COL12A1: variants seen among roughly 807,000 people sequenced by gnomAD.
The protein encoded by COL12A1 is collagen type XII alpha 1 chain, also known as collagen alpha-1(XII) chain.
Under a neutral mutation model 349.7 loss-of-function variants are expected in COL12A1, and 114 were observed. The observed-to-expected ratio is 0.33, with a 90% confidence interval of 0.28 to 0.38. COL12A1 has a LOEUF of 0.38. Among genes scored for constraint, COL12A1 ranks in the 10% least tolerant of loss-of-function variants. The probability of loss-of-function intolerance (pLI) is 1.00; values close to 1 mark genes in which losing one functional copy is unlikely to be tolerated. For synonymous variants in COL12A1, 1,369 were observed against 1,329.0 expected, an observed-to-expected ratio of 1.03 and a Z score of -0.66; for missense variants, 3,284 against 3,756.9, an observed-to-expected ratio of 0.87 and a Z score of 3.29.
At chr6:75,113,100 G>T in intron 51 of COL12A1, 104 bp downstream of exon 51, 1 of 542,410 alleles carries the variant, frequency 1.8e-6, no homozygotes, top group South Asian at 3.6e-5. Flanking sequence ...ATTTTTAAAA[G>T]ACATAGTTAT....
intron 30 of COL12A1, among the ~76,000 whole-genome samples, chr6:75,137,886 A>C (rs1766701961): frequency 2.0e-5 from 3 of 151,960 alleles, no homozygotes; most frequent in South Asian, 2.1e-4. Context: ...TAATGGGATT[A>C]GTCTTTGTAA....
At chr6:75,108,578 T>A (rs1036387254) in intron 52 of COL12A1, among the ~76,000 whole-genome samples, 8 of 152,228 alleles carry the variant, frequency 5.3e-5, no homozygotes, top group Admixed American at 5.2e-4. Context: ...GGCAGCCGAA[T>A]GGCTCCTCTG....
rs1470249632 is a variant in COL12A1 at position 75,133,880 on chromosome 6, G to A, written c.5642C>T (p.Ala1881Val). 1 of 1,614,084 alleles carries A rather than the reference G, an allele frequency of 6.2e-7. No individual in the cohort carries two copies. The highest frequency in any genetic ancestry group is 1.7e-5 in the Admixed American group (1 of 60,022). Residue 1881 changes from alanine to valine, a missense_variant, in exon 33 of 66, where the codon GCA (alanine) becomes GTA (valine). By Grantham distance (64) the Ala-to-Val change is moderately conservative. Transcript: ENST00000322507. The stretch of plus-strand genomic sequence containing the variant: ...TACCAGTTCCTCTGGACCACCTGCT[G>A]CTGGTGCATAGAAGAGCTTGTACTG... ...PRQYKLFYAPAAGGPEELVPI... is the reference protein window; with the variant it reads ...PRQYKLFYAPVAGGPEELVPI...
In COL12A1 at chr6:75,142,066, C is replaced by T; in HGVS notation, c.4923G>A (p.Gly1641=). The T allele has an allele frequency of 6.2e-7, 1 of 1,614,030 alleles. No individual in the cohort carries two copies. The highest frequency in any genetic ancestry group is 8.5e-7 in the Non-Finnish European group (1 of 1,179,976). ...CTTGAGCAGTCACTGGAGGAGACTC[C>T]CCCTCGTCATGTACTGCAGAAACGC... ...TVSVSAVHDE[G]ESPPVTAQET... is the part of the protein sequence containing the mutation. The change falls in exon 27 of 66, where the codon GGG becomes GGA. Residue 1641 remains glycine, a synonymous_variant. Coordinates refer to ENST00000322507, the MANE Select transcript of COL12A1 (RefSeq NM_004370.6).
intron 43 of COL12A1, among the ~76,000 whole-genome samples, chr6:75,121,858 CTTTT>C (rs60234784): frequency 2.2e-5 from 3 of 134,442 alleles, no homozygotes; most frequent in African/African-American, 2.7e-5. Flanking sequence ...CAAATAAGTC[CTTTT>C]TTTTTTTTTT....
At position 75,085,098 on chromosome 6, in the gene COL12A1, CCT is replaced by C. The variant is rs1352923963; in HGVS notation, c.*1447_*1448del. 4 of 366,136 alleles carry C rather than the reference CCT, an allele frequency of 1.1e-5. No homozygotes were observed. The highest frequency in any genetic ancestry group is 2.2e-5 in the Non-Finnish European group (4 of 181,934). The allele number at this position is 366,136 out of a possible 1,614,324, so 22.7% of individuals were successfully genotyped here. A position where few individuals can be genotyped will look rare whatever the true frequency, so the allele number is the denominator to read the frequency against. On this transcript the variant is annotated 3_prime_UTR_variant, in exon 66 of 66. Coordinates refer to ENST00000322507, the MANE Select transcript of COL12A1 (RefSeq NM_004370.6). ...TGGATGAGCAACGCTGGAAGAAACA[CCT>C]CAGAAAAGACGTACACTGCTCTATC...
Position 75,194,950 on chromosome 6 carries a change from G to T in COL12A1, c.74-3C>A. 1 of 1,508,156 alleles carries T rather than the reference G, an allele frequency of 6.6e-7. No homozygotes were observed. Among genetic ancestry groups the T allele is most frequent in the Non-Finnish European group, 9.1e-7 (1 of 1,092,970 alleles). The allele number at this position is 1,508,156 out of a possible 1,614,324, so 93.4% of individuals were successfully genotyped here. The stretch of plus-strand genomic sequence containing the variant: ...ATTCAAGTCTGAAGGTGGGTCAACT[G>T]CAAAAGAGAGAGTTTATATTATTAA... On this transcript the variant is annotated splice_polypyrimidine_tract_variant and splice_region_variant and intron_variant, in intron 2 of 65. Transcript: ENST00000322507.
chr6:75,095,245 A>C, intron 59 of COL12A1, 66 bp from the exon 60 acceptor site: 1 of 1,217,478 alleles, frequency 8.2e-7, no homozygotes, highest in Non-Finnish European at 1.2e-6. Flanking sequence ...AAGTAAATGA[A>C]TACAGCCTGT....
intron 58 of COL12A1, among the ~76,000 whole-genome samples, chr6:75,098,323 T>A (rs561191005): frequency 6.6e-6 from 1 of 152,274 alleles, no homozygotes; most frequent in East Asian, 1.9e-4. Context: ...TATTTATGTC[T>A]CCACTCCTGG....
intron 25 of COL12A1, 109 bp from the exon 26 acceptor site, chr6:75,143,497 G>T: frequency 1.7e-6 from 2 of 1,188,348 alleles, no homozygotes; most frequent in Non-Finnish European, 2.3e-6. Flanking sequence ...AAGGTGTTTG[G>T]CAAAATAACT....
intron 5 of COL12A1, among the ~76,000 whole-genome samples, chr6:75,191,329 T>C (rs1478950838): frequency 6.6e-6 from 1 of 152,046 alleles, no homozygotes; most frequent in Non-Finnish European, 1.5e-5. Flanking sequence ...CAGCCCTGTA[T>C]TTCTCATATA....
chr6:75,192,207 C>T lies in COL12A1; in HGVS notation c.334+5G>A, dbSNP rs1769966920. ...ACAAATATTTTATTTTATATGTGTG[C>T]TTACTTGTTAGTTGTCCTATAACTG... On this transcript the variant is annotated splice_donor_5th_base_variant and intron_variant, in intron 4 of 65. Coordinates refer to ENST00000322507, the MANE Select transcript of COL12A1 (RefSeq NM_004370.6). 3 of 1,551,206 alleles carry T rather than the reference C, an allele frequency of 1.9e-6. No individual in the cohort carries two copies. The highest frequency in any genetic ancestry group is 2.6e-6 in the Non-Finnish European group (3 of 1,144,272).
chr6:75,184,281 T>A, intron 8 of COL12A1, 137 bp from the exon 9 acceptor site: 1 of 929,872 alleles, frequency 1.1e-6, no homozygotes, highest in Non-Finnish European at 1.6e-6. Context: ...AATACCCGCC[T>A]CAGTCCCCAA....
rs1131691933 is a variant in COL12A1, at chr6:75,087,616, G to C, written c.9142C>G (p.Gln3048Glu). Residue 3048 changes from glutamine to glutamate, a missense_variant, in exon 65 of 66, where the codon CAG (glutamine) becomes GAG (glutamate). Gln to Glu is a conservative substitution (Grantham distance 29). Transcript: ENST00000322507. ...PGPPGYCDSS[Q>E]CASIPYNGQG... ...CCGTTGTATGGGATGCTGGCACACTGAGAAGAATCACAGTATCCAGGAGGA... is the reference window on the plus strand; with the variant it reads ...CCGTTGTATGGGATGCTGGCACACTCAGAAGAATCACAGTATCCAGGAGGA... The C allele has an allele frequency of 6.2e-7, 1 of 1,613,898 alleles. No homozygotes were observed. Among genetic ancestry groups the C allele is most frequent in the African/African-American group, 1.3e-5 (1 of 75,022 alleles).
At chr6:75,148,907 G>T (rs1767339424) in intron 21 of COL12A1, among the ~76,000 whole-genome samples, 1 of 152,110 alleles carries the variant, frequency 6.6e-6, no homozygotes, top group African/African-American at 2.4e-5. Flanking sequence ...TGAAACATGG[G>T]GGTGGTTTCC....
At chr6:75,100,104 AAAGTTCTCT>A (rs1224741974) in intron 58 of COL12A1, among the ~76,000 whole-genome samples, 1 of 152,230 alleles carries the variant, frequency 6.6e-6, no homozygotes, top group African/African-American at 2.4e-5. Flanking sequence ...AGTTTCCTGA[AAAGTTCTCT>A]TGCCCTCATC....
At position 75,188,223 on chromosome 6, in the gene COL12A1, A is replaced by T. The variant is rs1582206224; in HGVS notation, c.997+139T>A. ...ATGGTATCAACAAGTTGAGTTGCTAAAAAACAATACAGTGGAGTATACAAT... is the reference window on the plus strand; with the variant it reads ...ATGGTATCAACAAGTTGAGTTGCTATAAAACAATACAGTGGAGTATACAAT... On this transcript the variant is annotated intron_variant, in intron 8 of 65. Coordinates refer to ENST00000322507, the MANE Select transcript of COL12A1 (RefSeq NM_004370.6). 6.7e-6 allele frequency: 6 copies of T among 899,508 alleles called. No homozygotes were observed. The East Asian group carries it at 1.5e-4, about 22-fold the overall frequency. 55.7% of individuals were successfully genotyped at this position (899,508 alleles called of 1,614,324 possible). A position where few individuals can be genotyped will look rare whatever the true frequency, so the allele number is the denominator to read the frequency against.
At chr6:75,108,110 C>T (rs1453507343) in intron 52 of COL12A1, among the ~76,000 whole-genome samples, 1 of 152,082 alleles carries the variant, frequency 6.6e-6, no homozygotes, top group Non-Finnish European at 1.5e-5. Flanking sequence ...GACAGGGTCT[C>T]AGTCTGTCAC....
At chr6:75,203,769 C>T (rs772619561) in intron 1 of COL12A1, among the ~76,000 whole-genome samples, 89 of 152,278 alleles carry the variant, frequency 5.8e-4, no homozygotes, top group Non-Finnish European at 1.2e-3. Context: ...TAGGGTTCAA[C>T]CCAAAGACAA....
Sources: gnomAD v4.1 joint callset for allele counts (sites outside exome capture counted in the v4.1 genomes callset) on GRCh38, gnomAD v4.1.1 for gene constraint, MANE v1.5 for transcripts, NCBI Gene and HGNC (gene_info 2026-07-23, HGNC 2026-07-21) for gene names.